Variants in MRPS9 observed in about 807,000 individuals in gnomAD.
MRPS9 encodes the protein small ribosomal subunit protein uS9m.
A neutral mutation model predicts 59.9 loss-of-function variants in MRPS9; 45 were observed. The ratio of observed to expected loss-of-function variants is 0.75; its 90% CI spans 0.59 to 0.96. The LOEUF (loss-of-function observed/expected upper bound fraction) is 0.96. Among genes scored for constraint, MRPS9 ranks in the 40% least tolerant of loss-of-function variants. The pLI is 0.00. For synonymous variants in MRPS9, 171 were observed against 166.8 expected, an observed-to-expected ratio of 1.03 and a Z score of -0.19; for missense variants, 473 against 481.1, an observed-to-expected ratio of 0.98 and a Z score of 0.16.
At chr2:105,076,454 A>G (rs1239428742) in intron 4 of MRPS9, among the ~76,000 whole-genome samples, 13 of 152,250 alleles carry the variant, frequency 8.5e-5, no homozygotes, top group Non-Finnish European at 1.2e-4. Flanking sequence ...AAAACGCTGA[A>G]TTCCAACTAT....
chr2:105,046,784 TG>T (rs111300209), intron 1 of MRPS9, among the ~76,000 whole-genome samples: 1,589 of 152,104 alleles, frequency 0.01, 25 homozygotes, highest in African/African-American at 0.037. Flanking sequence ...AAAAACATTT[TG>T]TCATGTTATC....
intron 10 of MRPS9, chr2:105,097,539 C>T: frequency 4.8e-6 from 2 of 415,356 alleles, no homozygotes; most frequent in Non-Finnish European, 8.1e-6. Flanking sequence ...GAGAACTCCC[C>T]ACACTGATTA....
chr2:105,041,868 A>G (rs1573412853), intron 1 of MRPS9, among the ~76,000 whole-genome samples: 1 of 152,184 alleles, frequency 6.6e-6, no homozygotes, highest in East Asian at 1.9e-4. Context: ...TCATTGCTGT[A>G]ATTAGGAAAA....
intron 2 of MRPS9, among the ~76,000 whole-genome samples, chr2:105,061,299 A>G (rs922176726): frequency 2.6e-5 from 4 of 151,636 alleles, no homozygotes; most frequent in Non-Finnish European, 5.9e-5. Context: ...TTAGGTCTGC[A>G]TAATCGTGGT....
intron 10 of MRPS9, 78 bp downstream of exon 10, chr2:105,097,402 A>T: frequency 3.1e-6 from 4 of 1,305,386 alleles, no homozygotes; most frequent in Non-Finnish European, 4.0e-6. Flanking sequence ...CTAGTGCCTG[A>T]AGTTCGTAAG....
chr2:105,049,110 A>G (rs1558750812), intron 1 of MRPS9, 61 bp from the exon 2 acceptor site: 10 of 1,140,750 alleles, frequency 8.8e-6, no homozygotes, highest in East Asian at 7.2e-5. Flanking sequence ...TTTAAGGACA[A>G]TGGCCTAGAA....
At chr2:105,058,830 C>T (rs1480789949) in intron 2 of MRPS9, among the ~76,000 whole-genome samples, 2 of 151,946 alleles carry the variant, frequency 1.3e-5, no homozygotes, top group African/African-American at 2.4e-5. Context: ...CAGGTGCCCA[C>T]CACCATGCTC....
At position 105,095,741 on chromosome 2, in the gene MRPS9, C is replaced by G. The variant is rs553637392; in HGVS notation, c.930-1414C>G. Among the ~76,000 whole-genome samples the G allele has an allele frequency of 1.8e-4, 28 of 152,138 alleles. 1 individual carries two copies. Among genetic ancestry groups the G allele is most frequent in the Non-Finnish European group, 3.4e-4 (23 of 68,004 alleles). On this transcript the variant is annotated intron_variant, in intron 9 of 10. Transcript: ENST00000258455. ...CAAACTCCCGACCTCAGGTGATCTG[C>G]CCGCCTCGGCCTCCCAAAGTGCTGG...
At chr2:105,067,772 G>A (rs188613113) in intron 2 of MRPS9, among the ~76,000 whole-genome samples, 126 of 152,196 alleles carry the variant, frequency 8.3e-4, no homozygotes, top group African/African-American at 2.6e-3. Context: ...ACATGTGTGC[G>A]TGTGCATGCA....
At chr2:105,079,212 T>C (rs1490478073) in intron 4 of MRPS9, among the ~76,000 whole-genome samples, 1 of 152,186 alleles carries the variant, frequency 6.6e-6, no homozygotes, top group Non-Finnish European at 1.5e-5. Context: ...AGTGACAGCC[T>C]GGGGGAAAAT....
chr2:105,093,592 G>T lies in MRPS9; in HGVS notation c.883G>T (p.Val295Leu). The T allele has an allele frequency of 6.2e-7, 1 of 1,607,128 alleles. No individual in the cohort carries two copies. The highest frequency in any genetic ancestry group is 8.5e-7 in the Non-Finnish European group (1 of 1,176,684). Reference sequence around the variant, plus strand: ...TAAACATGGAAGTGGAAGAATAAAAGTAAATGGAATTGATTACCAGCTTTA... The same window carrying T: ...TAAACATGGAAGTGGAAGAATAAAATTAAATGGAATTGATTACCAGCTTTA... ...VYKHGSGRIK[V>L]NGIDYQLYFP... The change falls in exon 9 of 11, where the codon GTA becomes TTA. Residue 295 changes from valine (V) to leucine (L), a missense_variant. Val to Leu is a conservative substitution (Grantham distance 32). Coordinates refer to ENST00000258455, the MANE Select transcript of MRPS9 (RefSeq NM_182640.3).
Position 105,064,968 on chromosome 2 carries a change from C to G in MRPS9, c.316-6345C>G, listed in dbSNP as rs536556212. Among the ~76,000 whole-genome samples, 273 of 152,190 alleles carry G rather than the reference C, an allele frequency of 1.8e-3. 2 individuals are homozygous for G. Among genetic ancestry groups the G allele is most frequent in the African/African-American group, 6.1e-3 (252 of 41,528 alleles). On this transcript the variant is annotated intron_variant, in intron 2 of 10. Transcript: ENST00000258455. ...CCTGTAAGTATTTCTATCATAGGTC[C>G]TGTGTATATTATTTTTTCATGCCGT... is the stretch of plus-strand genomic sequence containing the variant.
chr2:105,078,191 T>G (rs571913079), intron 4 of MRPS9, among the ~76,000 whole-genome samples: 1 of 148,910 alleles, frequency 6.7e-6, no homozygotes, highest in African/African-American at 2.5e-5. Context: ...AGGGAACACT[T>G]CACAATTTTT....
intron 2 of MRPS9, among the ~76,000 whole-genome samples, chr2:105,066,273 A>G (rs559428642): frequency 1.3e-4 from 20 of 152,264 alleles, no homozygotes; most frequent in Admixed American, 5.2e-4. Flanking sequence ...TACAATACTT[A>G]GTATAGTGAG....
chr2:105,061,147 G>A (rs1679893650), intron 2 of MRPS9, among the ~76,000 whole-genome samples: 2 of 136,358 alleles, frequency 1.5e-5, no homozygotes, highest in African/African-American at 2.7e-5. Context: ...GTTAAATATT[G>A]TATTGGAAGG....
chr2:105,046,712 G>T (rs2104439543), intron 1 of MRPS9, among the ~76,000 whole-genome samples: 1 of 152,138 alleles, frequency 6.6e-6, no homozygotes, highest in Non-Finnish European at 1.5e-5. Context: ...GAGTGTGGTT[G>T]TAGTGACCTA....
chr2:105,051,421 T>G (rs747682131), intron 2 of MRPS9, among the ~76,000 whole-genome samples: 34 of 152,216 alleles, frequency 2.2e-4, no homozygotes, highest in Non-Finnish European at 4.7e-4. Flanking sequence ...CCAGTACCAC[T>G]TTGTCTTGAT....
At chr2:105,045,968 G>A (rs1447813482) in intron 1 of MRPS9, among the ~76,000 whole-genome samples, 1 of 152,006 alleles carries the variant, frequency 6.6e-6, no homozygotes, top group Non-Finnish European at 1.5e-5. Context: ...CGGTTCAAGC[G>A]ATTCTCCTGC....
intron 2 of MRPS9, among the ~76,000 whole-genome samples, chr2:105,065,677 C>G (rs1364638165): frequency 6.6e-6 from 1 of 152,124 alleles, no homozygotes; most frequent in Non-Finnish European, 1.5e-5. Context: ...TGCTTCCTTT[C>G]TTTTGAACTC....
Sources: gnomAD v4.1 joint callset for allele counts (sites outside exome capture counted in the v4.1 genomes callset) on GRCh38, gnomAD v4.1.1 for gene constraint, MANE v1.5 for transcripts, NCBI Gene and HGNC (gene_info 2026-07-23, HGNC 2026-07-21) for gene names.